DLG2: variants seen among roughly 807,000 people sequenced by gnomAD.
The protein encoded by DLG2 is disks large homolog 2.
A neutral mutation model predicts 132.5 loss-of-function variants in DLG2; 45 were observed. The observed-to-expected ratio is 0.34, with a 90% CI of 0.27 to 0.44. The LOEUF is 0.44. Among genes scored for constraint, DLG2 ranks in the 20% least tolerant of loss-of-function variants. The probability of loss-of-function intolerance (pLI) is 1.00; values close to 1 mark genes in which losing one functional copy is unlikely to be tolerated. For synonymous variants in DLG2, 424 were observed against 419.6 expected (o/e 1.01, Z -0.13); for missense variants, 1,045 against 1,196.9 (o/e 0.87, Z 1.87).
chr11:83,901,036 A>G (rs2073264935), intron 15 of DLG2, among the ~76,000 whole-genome samples: 1 of 152,212 alleles, frequency 6.6e-6, no homozygotes, highest in Non-Finnish European at 1.5e-5. Context: ...TTGGAGCTCT[A>G]CAATTTGACT....
At chr11:85,446,721 T>C (rs2092026267) in intron 3 of DLG2, among the ~76,000 whole-genome samples, 1 of 152,038 alleles carries the variant, frequency 6.6e-6, no homozygotes, top group Admixed American at 6.6e-5. Flanking sequence ...GCTATCTCCA[T>C]TGTGTCCTAA....
intron 21 of DLG2, among the ~76,000 whole-genome samples, chr11:83,487,568 A>G (rs908517894): frequency 1.3e-5 from 2 of 152,062 alleles, no homozygotes; most frequent in Non-Finnish European, 2.9e-5. Flanking sequence ...TAAGAGCATG[A>G]CAAGTTTCTG....
At position 83,724,474 on chromosome 11, in the gene DLG2, T is replaced by TGAGAGAGAGAGA. The variant is rs780541498; in HGVS notation, c.1825+62215_1825+62216insTCTCTCTCTCTC. Among the ~76,000 whole-genome samples the TGAGAGAGAGAGA allele has an allele frequency of 2.9e-3, 297 of 103,406 alleles. 1 individual carries two copies. The highest frequency in any genetic ancestry group is 9.9e-3 in the Middle Eastern group (2 of 202). The allele number at this position is 103,406 out of a possible 152,430, so 67.8% of individuals were successfully genotyped here. ...CTCTCTCTCCGTGTGTGTGTGTGTG[T>TGAGAGAGAGAGA]GTGAGAGAGAGAGAGAGAGAGAGAG... On this transcript the variant is annotated intron_variant, in intron 18 of 27. Coordinates refer to ENST00000376104, the MANE Select transcript of DLG2 (RefSeq NM_001142699.3).
At chr11:85,288,266 T>C (rs1207384874) in intron 3 of DLG2, among the ~76,000 whole-genome samples, 1 of 152,138 alleles carries the variant, frequency 6.6e-6, no homozygotes, top group Admixed American at 6.6e-5. Context: ...AAATTTTATG[T>C]ACAGCTACAA....
At chr11:84,944,870 T>G (rs967123430) in intron 6 of DLG2, among the ~76,000 whole-genome samples, 4 of 152,214 alleles carry the variant, frequency 2.6e-5, no homozygotes, top group African/African-American at 7.2e-5. Context: ...CCCAAAGTGC[T>G]GGGATTACCG....
chr11:83,497,431 A>G (rs1453933137), intron 21 of DLG2, among the ~76,000 whole-genome samples: 1 of 152,144 alleles, frequency 6.6e-6, no homozygotes, highest in East Asian at 1.9e-4. Flanking sequence ...TCTACTCAGG[A>G]GGCTGAGACA....
chr11:84,551,094 G>A (rs569404949), intron 6 of DLG2, among the ~76,000 whole-genome samples: 1 of 152,230 alleles, frequency 6.6e-6, no homozygotes, highest in South Asian at 2.1e-4. Context: ...ATTGGAACAT[G>A]GGAAAGTTGA....
intron 3 of DLG2, among the ~76,000 whole-genome samples, chr11:85,315,581 A>G (rs144361873): frequency 8.2e-4 from 124 of 152,094 alleles, no homozygotes; most frequent in African/African-American, 2.9e-3. Context: ...ACATCTTCCA[A>G]TGCAGGGAGC....
chr11:85,129,828 T>C lies in DLG2; in HGVS notation c.283-18093A>G, dbSNP rs1442278470. ...ACCCAAATGACCATCAATGATCAAA[T>C]GGATAAAGAAAATGTGGCATATATG... is the stretch of plus-strand genomic sequence containing the variant. On this transcript the variant is annotated intron_variant, in intron 5 of 27. Coordinates refer to ENST00000376104, the MANE Select transcript of DLG2 (RefSeq NM_001142699.3). 3.3e-5 allele frequency among the ~76,000 whole-genome samples: 5 copies of C among 152,000 alleles called. No individual in the cohort carries two copies. The East Asian group carries it at 9.6e-4, about 29-fold the overall frequency.
chr11:85,178,337 A>C (rs1364335822), intron 4 of DLG2, among the ~76,000 whole-genome samples: 6 of 152,058 alleles, frequency 3.9e-5, no homozygotes, highest in Non-Finnish European at 2.9e-5. Flanking sequence ...ACACAAATAT[A>C]GTAAATGTTA....
rs370195313 is a variant in DLG2 at position 83,508,063 on chromosome 11, G to A, written c.2194-23835C>T. 6.6e-5 allele frequency among the ~76,000 whole-genome samples: 10 copies of A among 151,790 alleles called. No individual in the cohort carries two copies. In the East Asian group the frequency reaches 1.9e-3, roughly 30 times the overall value. On this transcript the variant is annotated intron_variant, in intron 21 of 27. Transcript: ENST00000376104. ...TAGATGGTACCCACCCAGATTAAGGGTGGGTCTGCCTTTCCCAGCCCACTG... is the reference window on the plus strand; with the variant it reads ...TAGATGGTACCCACCCAGATTAAGGATGGGTCTGCCTTTCCCAGCCCACTG...
intron 7 of DLG2, among the ~76,000 whole-genome samples, chr11:84,361,967 A>G (rs563892722): frequency 9.9e-5 from 15 of 152,106 alleles, no homozygotes; most frequent in African/African-American, 3.4e-4. Flanking sequence ...CTCAAAAGCA[A>G]TCAGGGAAAA....
At chr11:85,521,993 A>G (rs1308421383) in intron 3 of DLG2, among the ~76,000 whole-genome samples, 2 of 152,218 alleles carry the variant, frequency 1.3e-5, no homozygotes, top group Non-Finnish European at 2.9e-5. Context: ...TGCATAAGTA[A>G]CAAGGAGCTA....
chr11:84,603,876 A>C (rs1214211049), intron 6 of DLG2, among the ~76,000 whole-genome samples: 1 of 151,972 alleles, frequency 6.6e-6, no homozygotes, highest in African/African-American at 2.4e-5. Context: ...TTCTAGTAGG[A>C]TCTAAAAACA....
chr11:84,949,221 CA>C (rs1394283780), intron 6 of DLG2, among the ~76,000 whole-genome samples: 13 of 152,006 alleles, frequency 8.6e-5, no homozygotes, highest in Non-Finnish European at 1.0e-4. Flanking sequence ...TAGGGATTTT[CA>C]AAAGGGGAGG....
At chr11:84,645,369 C>T (rs930736618) in intron 6 of DLG2, among the ~76,000 whole-genome samples, 5 of 152,154 alleles carry the variant, frequency 3.3e-5, no homozygotes, top group Admixed American at 3.3e-4. Context: ...TACCCAAAGC[C>T]TGAGGAGCAG....
At chr11:84,237,031 C>A (rs947546354) in intron 8 of DLG2, among the ~76,000 whole-genome samples, 12 of 151,616 alleles carry the variant, frequency 7.9e-5, no homozygotes, top group African/African-American at 9.7e-5. Context: ...CGGGTTCCAG[C>A]GATTCCCCTG....
At chr11:84,356,534 ATGGCTGTG>A in intron 7 of DLG2, among the ~76,000 whole-genome samples, 1 of 152,094 alleles carries the variant, frequency 6.6e-6, no homozygotes, top group Non-Finnish European at 1.5e-5. Context: ...AAGTTACATA[ATGGCTGTG>A]TGCCTTATTC....
At chr11:84,476,096 T>C (rs1394997939) in intron 7 of DLG2, among the ~76,000 whole-genome samples, 1 of 152,164 alleles carries the variant, frequency 6.6e-6, no homozygotes, top group Non-Finnish European at 1.5e-5. Flanking sequence ...CTAGTTATTA[T>C]CTACTCTCTA....
Sources: allele counts gnomAD v4.1 joint callset (sites outside exome capture counted in the v4.1 genomes callset), GRCh38; gene constraint gnomAD v4.1.1; transcripts MANE v1.5; gene names NCBI Gene and HGNC (gene_info 2026-07-23, HGNC 2026-07-21).